Variants in RNF216 observed in about 807,000 individuals in gnomAD.
The protein encoded by RNF216 is ring finger protein 216.
A neutral mutation model predicts 110.8 loss-of-function variants in RNF216; 72 were observed. That is an observed-to-expected ratio of 0.65 (90% CI 0.54 to 0.79). The LOEUF (loss-of-function observed/expected upper bound fraction) is 0.79, where lower values mean the gene tolerates loss of function less well. RNF216 is among the 30% of genes least tolerant of loss of function. RNF216 has a pLI of 0.00. For missense variants in RNF216, 1,342 were observed against 1,141.2 expected, an observed-to-expected ratio of 1.18 and a Z score of -2.54; for synonymous variants, 495 against 407.5, an observed-to-expected ratio of 1.21 and a Z score of -2.59.
At chr7:5,694,340 T>C (rs1233546427) in intron 13 of RNF216, among the ~76,000 whole-genome samples, 1 of 152,238 alleles carries the variant, frequency 6.6e-6, no homozygotes, top group African/African-American at 2.4e-5. Context: ...ATATTCTCTT[T>C]AAGGAATGAC....
rs758151365 is a variant in RNF216, at chr7:5,741,746, A to G, written c.271T>C (p.Leu91=). The change falls in exon 4 of 17, where the codon TTG becomes CTG. Residue 91 remains leucine, a synonymous_variant. Transcript: ENST00000389902. The part of the protein sequence containing the change: ...PAAQWQDLKR[L]GEERPKKSRA... ...GACTTTTTAGGCCTTTCTTCTCCCAACCTTTTCAGATCTTGCCACTGGGCA... is the reference window on the plus strand; with the variant it reads ...GACTTTTTAGGCCTTTCTTCTCCCAGCCTTTTCAGATCTTGCCACTGGGCA... The G allele has an allele frequency of 6.8e-6, 11 of 1,613,954 alleles. No homozygotes were observed. Among genetic ancestry groups the G allele is most frequent in the African/African-American group, 6.7e-5 (5 of 74,868 alleles).
At chr7:5,774,942 T>G (rs977059510) in intron 1 of RNF216, 3 of 152,064 alleles carry the variant, frequency 2.0e-5, no homozygotes, top group Non-Finnish European at 2.9e-5. Flanking sequence ...AGAGATGAGG[T>G]TTCGCCATCT....
At chr7:5,766,714 GCTGA>G (rs1439276788) in intron 1 of RNF216, among the ~76,000 whole-genome samples, 30 of 152,196 alleles carry the variant, frequency 2.0e-4, no homozygotes, top group African/African-American at 7.0e-4. Context: ...GTCAGCTTGA[GCTGA>G]CTAATACAGG....
chr7:5,631,790 G>A (rs556118282), intron 15 of RNF216, among the ~76,000 whole-genome samples: 34 of 152,256 alleles, frequency 2.2e-4, no homozygotes, highest in Admixed American at 5.9e-4. Context: ...TCAATCCTGG[G>A]AACATTCTGA....
chr7:5,723,139 T>A (rs1352047339), intron 8 of RNF216, among the ~76,000 whole-genome samples: 1 of 152,118 alleles, frequency 6.6e-6, no homozygotes, highest in Admixed American at 6.5e-5. Flanking sequence ...GGCACATACA[T>A]CTCATAAGGC....
At chr7:5,639,496 C>T (rs979399163) in intron 15 of RNF216, among the ~76,000 whole-genome samples, 1 of 152,054 alleles carries the variant, frequency 6.6e-6, no homozygotes, top group Non-Finnish European at 1.5e-5. Context: ...CAGAGTCTCA[C>T]ATTGTCACCC....
intron 14 of RNF216, among the ~76,000 whole-genome samples, chr7:5,642,210 CTGTTT>C (rs903500056): frequency 2.0e-5 from 3 of 150,370 alleles, no homozygotes; most frequent in East Asian, 1.9e-4. Context: ...ACTCAAGGTT[CTGTTT>C]TGTTTTTTTT....
intron 9 of RNF216, among the ~76,000 whole-genome samples, chr7:5,719,665 T>G (rs1793291526): frequency 6.6e-6 from 1 of 152,272 alleles, no homozygotes. Flanking sequence ...AATGTCATTC[T>G]ATAACAGATG....
At chr7:5,644,068 C>T (rs1787903482) in intron 14 of RNF216, among the ~76,000 whole-genome samples, 1 of 152,118 alleles carries the variant, frequency 6.6e-6, no homozygotes. Flanking sequence ...ATGAATATAT[C>T]ATATTAGTTT....
intron 13 of RNF216, among the ~76,000 whole-genome samples, chr7:5,698,591 G>A (rs1380378956): frequency 1.3e-5 from 2 of 152,030 alleles, no homozygotes; most frequent in African/African-American, 4.8e-5. Context: ...ACGAGGTTGT[G>A]CTTTGTTGCC....
intron 5 of RNF216, among the ~76,000 whole-genome samples, chr7:5,731,983 T>C (rs531128178): frequency 6.6e-6 from 1 of 152,288 alleles, no homozygotes; most frequent in East Asian, 1.9e-4. Context: ...TCTCAATGCA[T>C]TTCCCTTTGC....
rs1190170193 is a variant in RNF216 at position 5,624,394 on chromosome 7, G to A, written c.2383-269C>T. ...GCAGGCAGCTGCCTGGTGAGGTGGG[G>A]GGATGGAGGGCCTCCATGCACTGAG... On this transcript the variant is annotated intron_variant, in intron 15 of 16. Transcript: ENST00000389902. The surrounding 1 kb of genome is among the most constrained non-coding windows in gnomAD (Gnocchi z 4.4). Among the ~76,000 whole-genome samples the A allele has an allele frequency of 6.6e-6, 1 of 152,248 alleles. No individual in the cohort carries two copies. The highest frequency in any genetic ancestry group is 1.5e-5 in the Non-Finnish European group (1 of 68,040).
chr7:5,684,019 G>A (rs184761606), intron 13 of RNF216, among the ~76,000 whole-genome samples: 2 of 151,450 alleles, frequency 1.3e-5, no homozygotes, highest in Non-Finnish European at 2.9e-5. Context: ...CAAGGCAGCA[G>A]CAAGTTGATT....
At chr7:5,657,286 G>C (rs1788806523) in intron 13 of RNF216, among the ~76,000 whole-genome samples, 2 of 152,188 alleles carry the variant, frequency 1.3e-5, no homozygotes, top group South Asian at 2.1e-4. Context: ...GGTGAGACTG[G>C]GCCGGGTGCA....
At chr7:5,675,516 C>T (rs1024649116) in intron 13 of RNF216, among the ~76,000 whole-genome samples, 2 of 152,100 alleles carry the variant, frequency 1.3e-5, no homozygotes, top group African/African-American at 4.8e-5. Context: ...GTGGTGCCCA[C>T]TTACAGTCCC....
At chr7:5,775,925 A>G (rs564820114) in intron 1 of RNF216, among the ~76,000 whole-genome samples, 2 of 152,116 alleles carry the variant, frequency 1.3e-5, no homozygotes, top group Non-Finnish European at 2.9e-5. Flanking sequence ...GAAGAAGATG[A>G]CATGCCCGTG....
chr7:5,657,497 G>A (rs1164891246), intron 13 of RNF216, among the ~76,000 whole-genome samples: 1 of 152,130 alleles, frequency 6.6e-6, no homozygotes, highest in African/African-American at 2.4e-5. Context: ...AACCCAGGAG[G>A]TAGTGGTTGC....
At chr7:5,664,911 C>A (rs1455875408) in intron 13 of RNF216, among the ~76,000 whole-genome samples, 1 of 152,196 alleles carries the variant, frequency 6.6e-6, no homozygotes, top group Non-Finnish European at 1.5e-5. Flanking sequence ...TTCTTCCTGC[C>A]ACAGCCTCCC....
Position 5,641,171 on chromosome 7 carries a change from G to C in RNF216, c.2365C>G (p.Leu789Val). 6.2e-7 allele frequency: 1 copy of C among 1,613,792 alleles called. No individual in the cohort carries two copies. The highest frequency in any genetic ancestry group is 8.5e-7 in the Non-Finnish European group (1 of 1,179,758). ...APCQECSRCS[L>V]WTDPTEDDEK... The stretch of plus-strand genomic sequence containing the variant: ...CTACTTACAGTGGGATCGGTCCAGA[G>C]AGAGCATCTTGAACACTCCTGGCAA... Residue 789 changes from leucine (L) to valine (V), a missense_variant, in exon 15 of 17, where the codon CTC becomes GTC. Physicochemically the swap from Leu to Val is conservative, Grantham distance 32. Transcript: ENST00000389902.
Sources: gnomAD v4.1 joint callset for allele counts (sites outside exome capture counted in the v4.1 genomes callset) on GRCh38, gnomAD v4.1.1 for gene constraint, Gnocchi (gnomAD v3.1) non-coding constraint, MANE v1.5 for transcripts, NCBI Gene and HGNC (gene_info 2026-07-23, HGNC 2026-07-21) for gene names.